Variants in NKAIN2 observed in about 807,000 individuals in gnomAD.
NKAIN2 encodes the protein sodium/potassium transporting ATPase interacting 2.
In NKAIN2, 14 loss-of-function variants were observed where a neutral mutation model predicts 32.6. That is an observed-to-expected ratio of 0.43 (90% CI 0.28 to 0.67). The LOEUF (loss-of-function observed/expected upper bound fraction) is 0.67. Among genes scored for constraint, NKAIN2 ranks in the 30% least tolerant of loss-of-function variants. The pLI is 0.17. For synonymous variants in NKAIN2, 80 were observed against 87.2 expected (o/e 0.92, Z 0.46); for missense variants, 198 against 258.3 (o/e 0.77, Z 1.60).
rs951882727 is a variant in NKAIN2 at position 124,231,311 on chromosome 6, G to A, written c.55-51694G>A. ...CTTTTGATTTTACAGGCTCATAGGC[G>A]GAGGAAGGGACTTTCCTTGTCTCAG... On this transcript the variant is annotated intron_variant, in intron 1 of 6. Coordinates refer to ENST00000368417, the MANE Select transcript of NKAIN2 (RefSeq NM_001040214.3). 6.6e-5 allele frequency among the ~76,000 whole-genome samples: 10 copies of A among 152,270 alleles called. 1 individual carries two copies. Among genetic ancestry groups the A allele is most frequent in the South Asian group, 2.1e-4 (1 of 4,818 alleles).
intron 1 of NKAIN2, among the ~76,000 whole-genome samples, chr6:124,005,317 TTTG>T (rs1459711404): frequency 2.6e-5 from 4 of 152,174 alleles, no homozygotes; most frequent in African/African-American, 9.7e-5. Flanking sequence ...TCCCTACTTT[TTTG>T]TTAATATTGT....
intron 3 of NKAIN2, among the ~76,000 whole-genome samples, chr6:124,535,035 A>G (rs1455806625): frequency 6.6e-6 from 1 of 152,234 alleles, no homozygotes; most frequent in African/African-American, 2.4e-5. Context: ...TGTAAATGCT[A>G]TAAAAATAAT....
chr6:124,637,927 C>T (rs1390268810), intron 3 of NKAIN2, among the ~76,000 whole-genome samples: 2 of 151,912 alleles, frequency 1.3e-5, no homozygotes, highest in Non-Finnish European at 2.9e-5. Context: ...TGTATGGAAC[C>T]ACAAAAGACC....
At chr6:124,257,317 G>A (rs967949847) in intron 1 of NKAIN2, among the ~76,000 whole-genome samples, 19 of 152,262 alleles carry the variant, frequency 1.2e-4, no homozygotes, top group African/African-American at 3.4e-4. Context: ...AACTGATGGA[G>A]CCAAGTTCCA....
chr6:124,285,537 T>C (rs1795499137), intron 2 of NKAIN2, among the ~76,000 whole-genome samples: 1 of 152,186 alleles, frequency 6.6e-6, no homozygotes, highest in East Asian at 1.9e-4. Flanking sequence ...CAGAGTCTCC[T>C]TGCTGCCCTC....
intron 2 of NKAIN2, among the ~76,000 whole-genome samples, chr6:124,347,734 A>T (rs931727653): frequency 1.3e-5 from 2 of 151,988 alleles, no homozygotes; most frequent in Non-Finnish European, 2.9e-5. Flanking sequence ...TTATACATTC[A>T]TCTAAATTTT....
At chr6:123,900,537 T>TTTTTTTTTTG (rs1562247220) in intron 1 of NKAIN2, among the ~76,000 whole-genome samples, 1 of 83,348 alleles carries the variant, frequency 1.2e-5, no homozygotes, top group African/African-American at 1.1e-4. Context: ...GATTAGTTTT[T>TTTTTTTTTTG]TTTTTTTTTT....
chr6:124,634,415 C>A (rs1054456163), intron 3 of NKAIN2, among the ~76,000 whole-genome samples: 7 of 151,928 alleles, frequency 4.6e-5, no homozygotes, highest in Admixed American at 3.3e-4. Flanking sequence ...TAATAAAAAA[C>A]CAAACAGAAA....
intron 1 of NKAIN2, among the ~76,000 whole-genome samples, chr6:124,060,855 T>A (rs1358053132): frequency 6.6e-6 from 1 of 152,124 alleles, no homozygotes; most frequent in East Asian, 1.9e-4. Context: ...TCAAATGCTT[T>A]GGCATAAAAA....
intron 1 of NKAIN2, among the ~76,000 whole-genome samples, chr6:124,049,201 A>T (rs1020075720): frequency 6.6e-6 from 1 of 152,036 alleles, no homozygotes. Context: ...TTTTTGAGTC[A>T]TATGTTTTTT....
chr6:124,568,097 C>A (rs1032441045), intron 3 of NKAIN2, among the ~76,000 whole-genome samples: 1 of 152,230 alleles, frequency 6.6e-6, no homozygotes, highest in Admixed American at 6.5e-5. Flanking sequence ...AACTGGGTCA[C>A]TGACACTTCA....
intron 1 of NKAIN2, among the ~76,000 whole-genome samples, chr6:123,973,522 A>T: frequency 6.6e-6 from 1 of 152,084 alleles, no homozygotes; most frequent in East Asian, 1.9e-4. Flanking sequence ...TAACCAATGG[A>T]TGATTTCAGT....
At chr6:124,481,159 G>A (rs940178401) in intron 3 of NKAIN2, among the ~76,000 whole-genome samples, 2 of 143,974 alleles carry the variant, frequency 1.4e-5, no homozygotes, top group Middle Eastern at 3.6e-3. Flanking sequence ...TTTCCTGGCA[G>A]GTTAGAGTTA....
chr6:124,660,665 T>C (rs529243417), intron 4 of NKAIN2, among the ~76,000 whole-genome samples: 4 of 152,322 alleles, frequency 2.6e-5, no homozygotes, highest in African/African-American at 7.2e-5. Flanking sequence ...TTTCCACCTG[T>C]TCTTTCCAGG....
At chr6:123,983,073 G>A (rs1778974185) in intron 1 of NKAIN2, among the ~76,000 whole-genome samples, 1 of 151,504 alleles carries the variant, frequency 6.6e-6, no homozygotes, top group African/African-American at 2.4e-5. Flanking sequence ...TGGATCAAAG[G>A]TAATGCCAGA....
intron 1 of NKAIN2, among the ~76,000 whole-genome samples, chr6:124,076,376 T>G (rs1783696258): frequency 6.6e-6 from 1 of 152,166 alleles, no homozygotes; most frequent in Admixed American, 6.6e-5. Context: ...TTGAGGTGAT[T>G]GACGTTCCCC....
intron 1 of NKAIN2, among the ~76,000 whole-genome samples, chr6:124,234,547 A>G (rs1326119473): frequency 6.6e-6 from 1 of 152,142 alleles, no homozygotes. Flanking sequence ...CTATTTAGCC[A>G]ATTGCCCATC....
At chr6:124,687,590 A>C (rs376012916) in intron 4 of NKAIN2, among the ~76,000 whole-genome samples, 141 of 28,980 alleles carry the variant, frequency 4.9e-3, no homozygotes, top group Non-Finnish European at 6.3e-3. Context: ...TTATAATATA[A>C]ATATATATTA....
chr6:124,197,846 T>G (rs1168229478), intron 1 of NKAIN2, among the ~76,000 whole-genome samples: 5 of 151,038 alleles, frequency 3.3e-5, no homozygotes, highest in Non-Finnish European at 5.9e-5. Flanking sequence ...GGTTTTTTTT[T>G]TTTTTTTTTT....
Sources: gnomAD v4.1 joint callset for allele counts (sites outside exome capture counted in the v4.1 genomes callset) on GRCh38, gnomAD v4.1.1 for gene constraint, MANE v1.5 for transcripts, NCBI Gene and HGNC (gene_info 2026-07-23, HGNC 2026-07-21) for gene names.